The following PCED1B variants were observed in gnomAD, a reference collection of about 807,000 sequenced individuals.
PCED1B encodes PC-esterase domain-containing protein 1B.
For synonymous variants in PCED1B, 251 were observed against 246.1 expected, an observed-to-expected ratio of 1.02 and a Z score of -0.19; for missense variants, 573 against 573.9, an observed-to-expected ratio of 1.00 and a Z score of 0.02.
chr12:47,127,251 G>T (rs778539549), intron 2 of PCED1B, among the ~76,000 whole-genome samples: 1 of 151,876 alleles, frequency 6.6e-6, no homozygotes, highest in Non-Finnish European at 1.5e-5. Flanking sequence ...TTTACATACA[G>T]ATTGAAATCT....
intron 2 of PCED1B, among the ~76,000 whole-genome samples, chr12:47,160,452 C>T (rs893148741): frequency 6.6e-6 from 1 of 151,574 alleles, no homozygotes; most frequent in Non-Finnish European, 1.5e-5. Context: ...TAGGAATGCA[C>T]CACCATGTCC....
chr12:47,094,938 G>A (rs1488802873), intron 1 of PCED1B, among the ~76,000 whole-genome samples: 2 of 137,836 alleles, frequency 1.5e-5, no homozygotes, highest in African/African-American at 5.5e-5. Flanking sequence ...GGTGTCTCAC[G>A]TTTTGTCACA....
chr12:47,095,284 A>G (rs1938441363), intron 1 of PCED1B, among the ~76,000 whole-genome samples: 1 of 152,070 alleles, frequency 6.6e-6, no homozygotes, highest in African/African-American at 2.4e-5. Context: ...TCTCGCATCT[A>G]TAATTTATGT....
chr12:47,092,217 A>T (rs547658561), intron 1 of PCED1B, among the ~76,000 whole-genome samples: 3 of 151,970 alleles, frequency 2.0e-5, no homozygotes, highest in Non-Finnish European at 4.4e-5. Context: ...ATTTTTCTCA[A>T]TAATATTTTA....
intron 2 of PCED1B, among the ~76,000 whole-genome samples, chr12:47,136,838 A>G (rs188888058): frequency 2.5e-3 from 386 of 152,338 alleles, no homozygotes; most frequent in South Asian, 5.6e-3. Flanking sequence ...GACAAGTCAT[A>G]GTTCAAGAGA....
rs865801407 is a variant in PCED1B, at chr12:47,109,988, T to C, written c.-526+5793T>C. ...GGCAGTATATCAAACTCTTTAGTGA[T>C]TTTTAAGTTAGTAAAATGGAGATTC... On this transcript the variant is annotated intron_variant, in intron 2 of 3. Coordinates refer to ENST00000546455, the MANE Select transcript of PCED1B (RefSeq NM_138371.3). Among the ~76,000 whole-genome samples, 7 of 152,314 alleles carry C rather than the reference T, an allele frequency of 4.6e-5. No individual in the cohort carries two copies. The South Asian group carries it at 1.2e-3, about 27-fold the overall frequency.
At chr12:47,135,675 A>G (rs1042745830) in intron 2 of PCED1B, 16 of 521,730 alleles carry the variant, frequency 3.1e-5, no homozygotes, top group African/African-American at 2.1e-4. Context: ...GATGAATGCT[A>G]TGAAGTCCGG....
chr12:47,171,347 G>A (rs559151164), intron 2 of PCED1B, among the ~76,000 whole-genome samples: 47 of 152,218 alleles, frequency 3.1e-4, no homozygotes, highest in African/African-American at 1.0e-3. Flanking sequence ...GATTACAGGC[G>A]TGAGCCACCG....
At chr12:47,228,541 A>G (rs1943703441) in intron 3 of PCED1B, among the ~76,000 whole-genome samples, 2 of 152,094 alleles carry the variant, frequency 1.3e-5, no homozygotes, top group African/African-American at 2.4e-5. Context: ...GCTCTATCAC[A>G]TCAATATCTT....
chr12:47,199,722 C>T (rs2137700513), intron 2 of PCED1B, among the ~76,000 whole-genome samples: 1 of 152,266 alleles, frequency 6.6e-6, no homozygotes, highest in Non-Finnish European at 1.5e-5. Context: ...CAAAAATTAA[C>T]TCAAAGTGGA....
At chr12:47,092,189 T>G (rs1938296849) in intron 1 of PCED1B, among the ~76,000 whole-genome samples, 1 of 152,044 alleles carries the variant, frequency 6.6e-6, no homozygotes. Flanking sequence ...ATACTTCCAT[T>G]TATTTAGCTC....
intron 2 of PCED1B, among the ~76,000 whole-genome samples, chr12:47,192,168 T>G (rs1051826586): frequency 2.0e-5 from 3 of 151,080 alleles, no homozygotes; most frequent in African/African-American, 4.9e-5. Flanking sequence ...ACGCTTTTTT[T>G]TTTTGTTTTT....
At chr12:47,165,108 C>G (rs901800789) in intron 2 of PCED1B, among the ~76,000 whole-genome samples, 1 of 152,200 alleles carries the variant, frequency 6.6e-6, no homozygotes, top group African/African-American at 2.4e-5. Flanking sequence ...CTAGGGTTTG[C>G]AAATTCCCAA....
chr12:47,126,775 T>A (rs1939903887), intron 2 of PCED1B, among the ~76,000 whole-genome samples: 1 of 152,172 alleles, frequency 6.6e-6, no homozygotes, highest in African/African-American at 2.4e-5. Flanking sequence ...GTTGTCAAAT[T>A]TATTTGCATA....
intron 2 of PCED1B, among the ~76,000 whole-genome samples, chr12:47,190,124 G>T (rs1007718083): frequency 2.0e-5 from 3 of 152,192 alleles, no homozygotes. Context: ...ATAGTGTTTT[G>T]TTATTTAGGA....
At chr12:47,167,496 A>G (rs1167443580) in intron 2 of PCED1B, among the ~76,000 whole-genome samples, 6 of 152,140 alleles carry the variant, frequency 3.9e-5, no homozygotes, top group African/African-American at 1.4e-4. Flanking sequence ...GGTGTGTTTC[A>G]CCAGAGTTGT....
intron 2 of PCED1B, among the ~76,000 whole-genome samples, chr12:47,198,315 C>T (rs962545206): frequency 1.3e-5 from 2 of 151,976 alleles, no homozygotes; most frequent in East Asian, 1.9e-4. Context: ...TATTAACAGG[C>T]GCAGAAAAGC....
At chr12:47,221,215 A>G (rs214702) in intron 3 of PCED1B, among the ~76,000 whole-genome samples, 27,353 of 152,134 alleles carry the variant, frequency 0.18, 2,605 homozygotes, top group South Asian at 0.3. Context: ...AAAACTGAAA[A>G]CAAATGTGAC....
intron 2 of PCED1B, among the ~76,000 whole-genome samples, chr12:47,106,939 T>C (rs564453477): frequency 6.6e-6 from 1 of 152,240 alleles, no homozygotes; most frequent in Non-Finnish European, 1.5e-5. Flanking sequence ...TGTTCCTTTC[T>C]GCCTCCTAGG....
Sources: allele counts gnomAD v4.1 joint callset (sites outside exome capture counted in the v4.1 genomes callset), GRCh38; gene constraint gnomAD v4.1.1; transcripts MANE v1.5; gene names NCBI Gene and HGNC (gene_info 2026-07-23, HGNC 2026-07-21).